The following CNTNAP5 variants were observed in gnomAD, a reference collection of about 807,000 sequenced individuals.
The protein encoded by CNTNAP5 is contactin-associated protein-like 5.
In CNTNAP5, 72 loss-of-function variants were observed where a neutral mutation model predicts 150.2. The observed-to-expected ratio is 0.48, with a 90% CI of 0.40 to 0.58. The LOEUF (loss-of-function observed/expected upper bound fraction) is 0.58, where lower values mean the gene tolerates loss of function less well. Ranked by LOEUF, CNTNAP5 falls within the 20% of genes least tolerant of loss-of-function variation. CNTNAP5 has a pLI of 0.00. For missense variants in CNTNAP5, 1,636 were observed against 1,626.2 expected, an observed-to-expected ratio of 1.01 and a Z score of -0.10; for synonymous variants, 672 against 619.8, an observed-to-expected ratio of 1.08 and a Z score of -1.25.
At chr2:124,662,294 T>G (rs1291329154) in intron 13 of CNTNAP5, among the ~76,000 whole-genome samples, 2 of 152,222 alleles carry the variant, frequency 1.3e-5, no homozygotes, top group African/African-American at 4.8e-5. Flanking sequence ...AACATACGTG[T>G]GCATGTGTCT....
chr2:124,593,112 T>TTTAG (rs1291198091), intron 11 of CNTNAP5, among the ~76,000 whole-genome samples: 2 of 117,338 alleles, frequency 1.7e-5, no homozygotes, highest in East Asian at 5.5e-4. Flanking sequence ...TCAATATTTA[T>TTTAG]TTATTTATTT....
At chr2:124,108,752 C>G (rs1683225114) in intron 1 of CNTNAP5, among the ~76,000 whole-genome samples, 1 of 152,166 alleles carries the variant, frequency 6.6e-6, no homozygotes, top group African/African-American at 2.4e-5. Context: ...TGTAGAAACC[C>G]TTCACTGGAG....
intron 13 of CNTNAP5, among the ~76,000 whole-genome samples, chr2:124,682,548 C>T (rs1201633698): frequency 2.0e-5 from 3 of 152,120 alleles, no homozygotes; most frequent in Non-Finnish European, 4.4e-5. Flanking sequence ...GACCACTGGA[C>T]CACTGGACTG....
chr2:124,103,090 G>A (rs937645660), intron 1 of CNTNAP5, among the ~76,000 whole-genome samples: 1 of 151,946 alleles, frequency 6.6e-6, no homozygotes, highest in South Asian at 2.1e-4. Flanking sequence ...ATCCTAACCC[G>A]TGTGTGTGTT....
At chr2:124,130,047 A>T (rs1044587096) in intron 1 of CNTNAP5, among the ~76,000 whole-genome samples, 6 of 152,164 alleles carry the variant, frequency 3.9e-5, no homozygotes, top group Non-Finnish European at 8.8e-5. Context: ...AATTTGCCAA[A>T]TTCAAAGCCT....
At chr2:124,883,243 A>G (rs890299024) in intron 21 of CNTNAP5, among the ~76,000 whole-genome samples, 7 of 151,802 alleles carry the variant, frequency 4.6e-5, no homozygotes, top group South Asian at 4.2e-4. Context: ...TGTATTTTGT[A>G]TAGAGATGGG....
chr2:124,136,004 T>C (rs186270340), intron 1 of CNTNAP5, among the ~76,000 whole-genome samples: 21 of 152,318 alleles, frequency 1.4e-4, no homozygotes, highest in Non-Finnish European at 2.8e-4. Flanking sequence ...CTAGGTGAAC[T>C]GTCTAACAGC....
chr2:124,221,301 G>A (rs957499847), intron 1 of CNTNAP5, among the ~76,000 whole-genome samples: 4 of 152,124 alleles, frequency 2.6e-5, no homozygotes, highest in African/African-American at 9.7e-5. Context: ...GTCAAACAAT[G>A]TTTCCCCCTT....
chr2:124,768,076 G>A (rs1023909168), intron 16 of CNTNAP5, among the ~76,000 whole-genome samples: 1 of 152,190 alleles, frequency 6.6e-6, no homozygotes, highest in African/African-American at 2.4e-5. Context: ...AAGCCCATGG[G>A]AATGGGAAAG....
intron 1 of CNTNAP5, among the ~76,000 whole-genome samples, chr2:124,203,314 A>G (rs1300235525): frequency 1.3e-5 from 2 of 152,092 alleles, no homozygotes; most frequent in Non-Finnish European, 2.9e-5. Context: ...ACCCCTTGTG[A>G]CTTTACAGGG....
intron 13 of CNTNAP5, among the ~76,000 whole-genome samples, chr2:124,710,233 C>G (rs142776916): frequency 2.0e-5 from 3 of 152,216 alleles, no homozygotes; most frequent in African/African-American, 7.2e-5. Flanking sequence ...CCCCAAGAAA[C>G]TCTTTATAAT....
intron 17 of CNTNAP5, among the ~76,000 whole-genome samples, chr2:124,783,284 CTCAATCATTGAAATATTTTCTCATCA>C (rs1558773757): frequency 6.6e-6 from 1 of 152,240 alleles, no homozygotes; most frequent in East Asian, 1.9e-4. Context: ...TAAAAACAGC[CTCAATCATTGAAATATTTTCTCATCA>C]TCATAAGTTT....
intron 21 of CNTNAP5, among the ~76,000 whole-genome samples, chr2:124,888,727 T>C (rs1678131388): frequency 6.6e-6 from 1 of 152,138 alleles, no homozygotes; most frequent in Non-Finnish European, 1.5e-5. Flanking sequence ...CATAAGTCTG[T>C]CACTTGTACG....
intron 17 of CNTNAP5, among the ~76,000 whole-genome samples, chr2:124,780,646 C>A (rs899552970): frequency 6.6e-6 from 1 of 152,204 alleles, no homozygotes; most frequent in Non-Finnish European, 1.5e-5. Context: ...TCCCCCTGAT[C>A]TGTTCAATAA....
chr2:124,797,191 G>A (rs79100087), intron 18 of CNTNAP5, among the ~76,000 whole-genome samples: 11,821 of 152,134 alleles, frequency 0.078, 781 homozygotes, highest in African/African-American at 0.18. Context: ...TCTTGCCTGG[G>A]ACCACATGGC....
At chr2:124,105,542 A>C in intron 1 of CNTNAP5, among the ~76,000 whole-genome samples, 1 of 152,236 alleles carries the variant, frequency 6.6e-6, no homozygotes, top group East Asian at 1.9e-4. Flanking sequence ...CCAATTAATA[A>C]AAAACAATAT....
intron 1 of CNTNAP5, among the ~76,000 whole-genome samples, chr2:124,056,211 G>C (rs978376523): frequency 1.3e-5 from 2 of 152,130 alleles, no homozygotes; most frequent in Non-Finnish European, 2.9e-5. Flanking sequence ...ATCCACTCAA[G>C]TTTCTAGAAA....
At chr2:124,055,015 C>T (rs1263164443) in intron 1 of CNTNAP5, among the ~76,000 whole-genome samples, 3 of 152,134 alleles carry the variant, frequency 2.0e-5, no homozygotes, top group Admixed American at 6.5e-5. Context: ...GCTCTCACCC[C>T]TCTGCTTCCT....
At chr2:124,847,012 T>G (rs1023002825) in intron 19 of CNTNAP5, among the ~76,000 whole-genome samples, 9 of 152,128 alleles carry the variant, frequency 5.9e-5, no homozygotes, top group African/African-American at 1.9e-4. Flanking sequence ...GGTCTTTGGT[T>G]GTGTTTTTGT....
Sources: allele counts gnomAD v4.1 joint callset (sites outside exome capture counted in the v4.1 genomes callset), GRCh38; gene constraint gnomAD v4.1.1; transcripts MANE v1.5; gene names NCBI Gene and HGNC (gene_info 2026-07-23, HGNC 2026-07-21).